NR3C2: variants seen among roughly 807,000 people sequenced by gnomAD.
The protein encoded by NR3C2 is nuclear receptor subfamily 3 group C member 2, also known as mineralocorticoid receptor.
A neutral mutation model predicts 86.4 loss-of-function variants in NR3C2; 15 were observed. The observed-to-expected ratio is 0.17, with a 90% CI of 0.12 to 0.27. The LOEUF is 0.27. NR3C2 is among the 10% of genes least tolerant of loss of function. The pLI, the probability that NR3C2 is intolerant of heterozygous loss-of-function variation, is 1.00. For missense variants in NR3C2, 960 were observed against 1,195.6 expected, an observed-to-expected ratio of 0.80 and a Z score of 2.91; for synonymous variants, 458 against 450.5, an observed-to-expected ratio of 1.02 and a Z score of -0.21.
chr4:148,320,843 A>C (rs1300895923), intron 2 of NR3C2, among the ~76,000 whole-genome samples: 2 of 150,290 alleles, frequency 1.3e-5, no homozygotes, highest in Non-Finnish European at 3.0e-5. Context: ...TGGATTCATT[A>C]ATTTTTTGAA....
At position 148,239,522 on chromosome 4, in the gene NR3C2, T is replaced by C. The variant is rs1421694926; in HGVS notation, c.1897+20456A>G. 1.1e-4 allele frequency among the ~76,000 whole-genome samples: 16 copies of C among 152,134 alleles called. 1 individual carries two copies. The highest frequency in any genetic ancestry group is 9.8e-4 in the Admixed American group (15 of 15,280). On this transcript the variant is annotated intron_variant, in intron 3 of 8. Coordinates refer to ENST00000358102, the MANE Select transcript of NR3C2 (RefSeq NM_000901.5). ...AATGCCAGAATTAAATAGGGACCATTGGAGGCTTCTGCATACTCCAAGTTT... is the reference window on the plus strand; with the variant it reads ...AATGCCAGAATTAAATAGGGACCATCGGAGGCTTCTGCATACTCCAAGTTT...
chr4:148,258,725 G>A (rs748211400), intron 3 of NR3C2, among the ~76,000 whole-genome samples: 1 of 152,232 alleles, frequency 6.6e-6, no homozygotes, highest in Non-Finnish European at 1.5e-5. Flanking sequence ...AAAACCAAGC[G>A]ACTGAGCGAG....
intron 3 of NR3C2, among the ~76,000 whole-genome samples, chr4:148,247,799 G>A (rs1262161437): frequency 1.3e-5 from 2 of 151,630 alleles, no homozygotes; most frequent in African/African-American, 4.9e-5. Flanking sequence ...ATCCCAAATT[G>A]GCTCTAGCCC....
At chr4:148,372,346 C>T (rs533508305) in intron 2 of NR3C2, among the ~76,000 whole-genome samples, 1 of 152,076 alleles carries the variant, frequency 6.6e-6, no homozygotes, top group South Asian at 2.1e-4. Context: ...ATGTCATATT[C>T]CCTCTCATTT....
rs1742187895 is a variant in NR3C2, at chr4:148,298,824, T to TA, written c.1758-38708dup. Among the ~76,000 whole-genome samples, 3 of 152,360 alleles carry TA rather than the reference T, an allele frequency of 2.0e-5. No homozygotes were observed. In the South Asian group the frequency reaches 6.2e-4, roughly 32 times the overall value. On this transcript the variant is annotated intron_variant, in intron 2 of 8. Coordinates refer to ENST00000358102, the MANE Select transcript of NR3C2 (RefSeq NM_000901.5). ...ATAAGGCTTTCATATTTAAAACATA[T>TA]ACTTGATGAATAAGCAACCTGTACC...
At chr4:148,155,676 G>A (rs548077069) in intron 4 of NR3C2, among the ~76,000 whole-genome samples, 1 of 150,958 alleles carries the variant, frequency 6.6e-6, no homozygotes, top group African/African-American at 2.4e-5. Context: ...CGTGAAAATG[G>A]CCATATTGCC....
At chr4:148,118,005 A>G (rs1732347870) in intron 7 of NR3C2, among the ~76,000 whole-genome samples, 1 of 152,128 alleles carries the variant, frequency 6.6e-6, no homozygotes, top group Non-Finnish European at 1.5e-5. Flanking sequence ...CTCAGTGGCC[A>G]TTTCATACGG....
At chr4:148,301,248 C>T (rs7674857) in intron 2 of NR3C2, among the ~76,000 whole-genome samples, 30,626 of 152,014 alleles carry the variant, frequency 0.2, 3,233 homozygotes, top group Admixed American at 0.28. Context: ...AATTAACTGA[C>T]TTAAAGAAGG....
At chr4:148,366,968 T>G (rs1746175228) in intron 2 of NR3C2, among the ~76,000 whole-genome samples, 2 of 152,208 alleles carry the variant, frequency 1.3e-5, no homozygotes, top group Non-Finnish European at 2.9e-5. Context: ...AAGGTTTGCT[T>G]ATTTTCCATG....
At chr4:148,261,643 G>A (rs1469092563) in intron 2 of NR3C2, among the ~76,000 whole-genome samples, 2 of 152,190 alleles carry the variant, frequency 1.3e-5, no homozygotes, top group Non-Finnish European at 2.9e-5. Flanking sequence ...AATGGGAGCT[G>A]GATGGGCTCA....
At chr4:148,143,884 T>G (rs988322371) in intron 6 of NR3C2, among the ~76,000 whole-genome samples, 1 of 147,566 alleles carries the variant, frequency 6.8e-6, no homozygotes, top group Admixed American at 6.9e-5. Context: ...GAGGCGGAGT[T>G]TGCGGTGAGC....
At chr4:148,345,958 G>A (rs1336849050) in intron 2 of NR3C2, among the ~76,000 whole-genome samples, 1 of 152,054 alleles carries the variant, frequency 6.6e-6, no homozygotes, top group Non-Finnish European at 1.5e-5. Context: ...CTAGGCCAAG[G>A]GCAGTGAAAG....
chr4:148,105,738 A>C (rs979946970), intron 8 of NR3C2, among the ~76,000 whole-genome samples: 1 of 152,178 alleles, frequency 6.6e-6, no homozygotes, highest in African/African-American at 2.4e-5. Context: ...CAAATCAATA[A>C]ACATAATCCA....
At position 148,313,952 on chromosome 4, in the gene NR3C2, A is replaced by C. The variant is rs1439701344; in HGVS notation, c.1758-53835T>G. ...ATGCATTACATCTTTTCAAGGGGGA[A>C]GGTAAGTGATGGAAGGGTCTCATTT... is the stretch of plus-strand genomic sequence containing the variant. On this transcript the variant is annotated intron_variant, in intron 2 of 8. Coordinates refer to ENST00000358102, the MANE Select transcript of NR3C2 (RefSeq NM_000901.5). Among the ~76,000 whole-genome samples, 6 of 152,196 alleles carry C rather than the reference A, an allele frequency of 3.9e-5. No homozygotes were observed. The East Asian group carries it at 9.6e-4, about 24-fold the overall frequency.
intron 2 of NR3C2, among the ~76,000 whole-genome samples, chr4:148,395,758 G>A (rs2126510740): frequency 6.6e-6 from 1 of 152,310 alleles, no homozygotes; most frequent in South Asian, 2.1e-4. Flanking sequence ...AAAGCAGGTA[G>A]CAGTAACAGC....
chr4:148,190,056 TG>T (rs1736122063), intron 4 of NR3C2, among the ~76,000 whole-genome samples: 1 of 152,202 alleles, frequency 6.6e-6, no homozygotes, highest in South Asian at 2.1e-4. Context: ...GCTCTGATCT[TG>T]GTTATTGCTT....
intron 2 of NR3C2, among the ~76,000 whole-genome samples, chr4:148,290,119 C>T (rs1050231208): frequency 2.0e-5 from 3 of 152,060 alleles, no homozygotes; most frequent in African/African-American, 7.2e-5. Flanking sequence ...GAGTTTCTTC[C>T]GGGGCCTCTC....
At chr4:148,395,666 T>C (rs1747823677) in intron 2 of NR3C2, among the ~76,000 whole-genome samples, 1 of 152,220 alleles carries the variant, frequency 6.6e-6, no homozygotes, top group Non-Finnish European at 1.5e-5. Flanking sequence ...CCATACTCAA[T>C]GAAATATTCC....
chr4:148,201,374 T>C (rs55969126), intron 3 of NR3C2, among the ~76,000 whole-genome samples: 63,382 of 152,084 alleles, frequency 0.42, 13,796 homozygotes, highest in African/African-American at 0.53. Flanking sequence ...GTCAGAGGCA[T>C]CTGACCTAAT....
Sources: allele counts gnomAD v4.1 joint callset (sites outside exome capture counted in the v4.1 genomes callset), GRCh38; gene constraint gnomAD v4.1.1; transcripts MANE v1.5; gene names NCBI Gene and HGNC (gene_info 2026-07-23, HGNC 2026-07-21).